ZC3H12B: variants seen among roughly 807,000 people sequenced by gnomAD.
ZC3H12B encodes the protein zinc finger CCCH-type containing 12B.
In ZC3H12B, 7 loss-of-function variants were observed where a neutral mutation model predicts 43.9. The observed-to-expected ratio is 0.16, with a 90% CI of 0.09 to 0.30. The LOEUF is 0.30. Among genes scored for constraint, ZC3H12B ranks in the 10% least tolerant of loss-of-function variants. The pLI is 1.00. For missense variants in ZC3H12B, 475 were observed against 670.2 expected (o/e 0.71, Z 3.22); for synonymous variants, 222 against 241.7 (o/e 0.92, Z 0.76).
chrX:65,113,329 T>C, the ZC3H12B span, among the ~76,000 whole-genome samples: 1 of 111,778 alleles, frequency 8.9e-6, no homozygotes, highest in East Asian at 2.8e-4. Context: ...TAGAATATTA[T>C]GTAAACCTAG....
At chrX:65,091,715 A>T in the ZC3H12B span, among the ~76,000 whole-genome samples, 1 of 111,826 alleles carries the variant, frequency 8.9e-6, no homozygotes, top group African/African-American at 3.2e-5. Flanking sequence ...GTCCAAGATC[A>T]TACAAAAAAA....
intron 3 of ZC3H12B, among the ~76,000 whole-genome samples, chrX:65,438,135 T>A (rs2067244499): frequency 8.9e-6 from 1 of 112,323 alleles, no homozygotes; most frequent in South Asian, 3.7e-4. Flanking sequence ...CTCTGTAGTA[T>A]ATTTTGAAGT....
the ZC3H12B span, among the ~76,000 whole-genome samples, chrX:65,269,689 A>G: frequency 9.2e-6 from 1 of 108,843 alleles, no homozygotes; most frequent in Non-Finnish European, 1.9e-5. Flanking sequence ...TTGTAGAGAC[A>G]AGGTTTTGCT....
the ZC3H12B span, among the ~76,000 whole-genome samples, chrX:65,066,929 G>GT: frequency 8.9e-6 from 1 of 111,791 alleles, no homozygotes; most frequent in African/African-American, 3.3e-5. Flanking sequence ...TGGTGGCTCT[G>GT]TTTACACTGT....
At chrX:65,384,007 T>C (rs28792416) in intron 2 of ZC3H12B, among the ~76,000 whole-genome samples, 12,143 of 94,164 alleles carry the variant, frequency 0.13, 2,283 homozygotes, top group African/African-American at 0.46. Flanking sequence ...GACCCAGCCA[T>C]CCCATTACTG....
chrX:65,343,678 A>G, the ZC3H12B span, among the ~76,000 whole-genome samples: 1 of 112,376 alleles, frequency 8.9e-6, no homozygotes, highest in Non-Finnish European at 1.9e-5. Flanking sequence ...AACATACATG[A>G]AAATAATGAG....
At chrX:65,110,635 A>G in the ZC3H12B span, among the ~76,000 whole-genome samples, 1 of 111,353 alleles carries the variant, frequency 9.0e-6, no homozygotes, top group African/African-American at 3.3e-5. Flanking sequence ...TTAATTCCAC[A>G]CAATCTTGAT....
chrX:65,079,416 G>A, the ZC3H12B span, among the ~76,000 whole-genome samples: 6 of 112,291 alleles, frequency 5.3e-5, no homozygotes, highest in Non-Finnish European at 1.1e-4. Context: ...ATCAGGCCTT[G>A]GGTGAGACCT....
the ZC3H12B span, among the ~76,000 whole-genome samples, chrX:65,203,699 C>T: frequency 6.7e-4 from 74 of 111,090 alleles, no homozygotes; most frequent in African/African-American, 2.3e-3. Flanking sequence ...CCTGGAGCTG[C>T]GGGATTGGTG....
At chrX:65,455,925 G>A (rs1047681413) in intron 3 of ZC3H12B, among the ~76,000 whole-genome samples, 7 of 111,732 alleles carry the variant, frequency 6.3e-5, no homozygotes, top group Non-Finnish European at 9.4e-5. Flanking sequence ...ACAAGCAAAT[G>A]CTGAGAGATT....
the ZC3H12B span, among the ~76,000 whole-genome samples, chrX:65,233,870 G>A: frequency 9.0e-6 from 1 of 110,709 alleles, no homozygotes; most frequent in East Asian, 2.8e-4. Context: ...AAAATAAAAC[G>A]AGAGACAAAA....
intron 3 of ZC3H12B, among the ~76,000 whole-genome samples, chrX:65,430,429 G>T (rs1277723655): frequency 1.9e-5 from 2 of 105,474 alleles, no homozygotes; most frequent in Admixed American, 2.0e-4. Context: ...GTGTCATGTT[G>T]GTGTGCTGCA....
At chrX:65,453,539 G>A (rs1305318140) in intron 3 of ZC3H12B, among the ~76,000 whole-genome samples, 1 of 105,631 alleles carries the variant, frequency 9.5e-6, no homozygotes, top group East Asian at 3.0e-4. Context: ...TAGTCAACAT[G>A]GTGAAACACT....
At chrX:65,468,238 T>C (rs758432497) in intron 3 of ZC3H12B, among the ~76,000 whole-genome samples, 1 of 111,570 alleles carries the variant, frequency 9.0e-6, no homozygotes, top group South Asian at 3.7e-4. Context: ...TGTTTTCATA[T>C]GGTTTGTTGA....
the ZC3H12B span, among the ~76,000 whole-genome samples, chrX:65,094,764 G>A: frequency 8.9e-6 from 1 of 111,832 alleles, no homozygotes; most frequent in Admixed American, 9.5e-5. Context: ...ATTTTGACCT[G>A]GAGTACATAG....
the ZC3H12B span, among the ~76,000 whole-genome samples, chrX:65,354,828 A>C: frequency 2.7e-5 from 3 of 112,250 alleles, no homozygotes; most frequent in South Asian, 3.7e-4. Context: ...ACATATATAA[A>C]CAGCCAAATT....
intron 3 of ZC3H12B, among the ~76,000 whole-genome samples, chrX:65,442,899 G>A (rs1038481569): frequency 7.2e-5 from 8 of 111,381 alleles, no homozygotes; most frequent in African/African-American, 2.3e-4. Flanking sequence ...ATTCCTGCCT[G>A]GATAGAACTA....
At chrX:65,459,638 C>T (rs1267298442) in intron 3 of ZC3H12B, among the ~76,000 whole-genome samples, 8 of 111,550 alleles carry the variant, frequency 7.2e-5, no homozygotes, top group Non-Finnish European at 1.3e-4. Flanking sequence ...GCAGAAAAGG[C>T]CTTTGACAAA....
chrX:65,213,285 T>C, the ZC3H12B span, among the ~76,000 whole-genome samples: 7 of 110,813 alleles, frequency 6.3e-5, no homozygotes, highest in African/African-American at 2.3e-4. Context: ...TACCACATTT[T>C]ATTTATTCAC....
Sources: allele counts gnomAD v4.1 joint callset (sites outside exome capture counted in the v4.1 genomes callset), GRCh38; gene constraint gnomAD v4.1.1; transcripts MANE v1.5; gene names NCBI Gene and HGNC (gene_info 2026-07-23, HGNC 2026-07-21).